Variants in FEZ2 observed in about 807,000 individuals in gnomAD.
The protein encoded by FEZ2 is fasciculation and elongation protein zeta 2.
Under a neutral mutation model 40.4 loss-of-function variants are expected in FEZ2, and 51 were observed. The observed-to-expected ratio is 1.26, with a 90% CI of 1.01 to 1.59. The LOEUF (loss-of-function observed/expected upper bound fraction) is 1.59. Ranked by LOEUF, FEZ2 falls within the 40% of genes most tolerant of loss-of-function variation. The probability of loss-of-function intolerance (pLI) is 0.00; values close to 1 mark genes in which losing one functional copy is unlikely to be tolerated. For synonymous variants in FEZ2, 242 were observed against 172.0 expected, an observed-to-expected ratio of 1.41 and a Z score of -3.18; for missense variants, 640 against 438.3, an observed-to-expected ratio of 1.46 and a Z score of -4.11.
At chr2:36,554,493 A>C (rs938097145) in intron 7 of FEZ2, among the ~76,000 whole-genome samples, 1 of 152,182 alleles carries the variant, frequency 6.6e-6, no homozygotes, top group African/African-American at 2.4e-5. Flanking sequence ...CGAACCTCAG[A>C]ACAATCCAGC....
chr2:36,578,234 GA>G (rs1227753711), intron 5 of FEZ2, among the ~76,000 whole-genome samples: 1 of 152,046 alleles, frequency 6.6e-6, no homozygotes, highest in Non-Finnish European at 1.5e-5. Flanking sequence ...GCAAAAATAA[GA>G]AAAAAACTAC....
At chr2:36,596,811 C>T (rs867134353) in intron 1 of FEZ2, among the ~76,000 whole-genome samples, 15 of 152,132 alleles carry the variant, frequency 9.9e-5, no homozygotes, top group African/African-American at 3.4e-4. Flanking sequence ...AGGCTCCTCT[C>T]CCCCTATATA....
At chr2:36,565,596 C>T (rs1015615105) in intron 5 of FEZ2, among the ~76,000 whole-genome samples, 1 of 152,174 alleles carries the variant, frequency 6.6e-6, no homozygotes, top group African/African-American at 2.4e-5. Flanking sequence ...ACCTGACCTC[C>T]GGGTGCAACT....
chr2:36,578,101 T>G (rs746133491), intron 5 of FEZ2, among the ~76,000 whole-genome samples: 3 of 152,226 alleles, frequency 2.0e-5, no homozygotes, highest in Admixed American at 2.0e-4. Context: ...TACCTTCTTG[T>G]ATTCCAACCT....
At chr2:36,597,830 G>A (rs1001756432) in intron 1 of FEZ2, 47 bp downstream of exon 1, 11 of 1,305,956 alleles carry the variant, frequency 8.4e-6, no homozygotes, top group East Asian at 3.1e-5. Context: ...GTCGGGCGAG[G>A]GGTAGGGGAG....
intron 1 of FEZ2, among the ~76,000 whole-genome samples, chr2:36,593,287 G>T (rs1030619402): frequency 1.3e-5 from 2 of 151,978 alleles, no homozygotes; most frequent in African/African-American, 4.8e-5. Flanking sequence ...TAAACTCATG[G>T]ACAGCGGCCC....
At chr2:36,588,939 C>T (rs892018773) in intron 2 of FEZ2, among the ~76,000 whole-genome samples, 126 of 151,946 alleles carry the variant, frequency 8.3e-4, no homozygotes, top group African/African-American at 3.0e-3. Flanking sequence ...GGAAACTCTT[C>T]TATGCTATTT....
chr2:36,580,001 C>T (rs989623049), intron 4 of FEZ2, among the ~76,000 whole-genome samples: 4 of 152,100 alleles, frequency 2.6e-5, no homozygotes, highest in African/African-American at 4.8e-5. Context: ...AGGAAGACCA[C>T]GTGAAGACAT....
intron 3 of FEZ2, among the ~76,000 whole-genome samples, chr2:36,583,123 A>T (rs758756874): frequency 1.3e-5 from 2 of 152,188 alleles, no homozygotes; most frequent in Non-Finnish European, 2.9e-5. Context: ...ACCTTGCTAT[A>T]ATCTTCAACA....
At chr2:36,566,606 A>G (rs1310296183) in intron 5 of FEZ2, among the ~76,000 whole-genome samples, 1 of 152,238 alleles carries the variant, frequency 6.6e-6, no homozygotes, top group Non-Finnish European at 1.5e-5. Context: ...TACAGCGATC[A>G]TTACCAATAC....
intron 1 of FEZ2, among the ~76,000 whole-genome samples, chr2:36,597,277 G>T (rs993325970): frequency 3.9e-5 from 6 of 152,054 alleles, no homozygotes; most frequent in Non-Finnish European, 8.8e-5. Flanking sequence ...CCACTCATCA[G>T]TCAGATCTCG....
chr2:36,575,097 T>A (rs1026339853), intron 5 of FEZ2, among the ~76,000 whole-genome samples: 1 of 152,232 alleles, frequency 6.6e-6, no homozygotes, highest in African/African-American at 2.4e-5. Flanking sequence ...CCATCATCTA[T>A]TCATTTTTTC....
chr2:36,574,920 C>T (rs1668518647), intron 5 of FEZ2, among the ~76,000 whole-genome samples: 1 of 152,204 alleles, frequency 6.6e-6, no homozygotes, highest in Admixed American at 6.5e-5. Flanking sequence ...ACTCCTTTAA[C>T]CTCCTCTTCA....
At chr2:36,590,751 C>T in intron 2 of FEZ2, 152 bp downstream of exon 2, 2 of 575,470 alleles carry the variant, frequency 3.5e-6, no homozygotes, top group Non-Finnish European at 3.1e-6. Context: ...GATGGCCCTA[C>T]AGCCAAGACA....
At chr2:36,584,509 A>G (rs1472472807) in intron 2 of FEZ2, among the ~76,000 whole-genome samples, 5 of 152,234 alleles carry the variant, frequency 3.3e-5, no homozygotes, top group Non-Finnish European at 5.9e-5. Context: ...ACATCTGTCT[A>G]TCATCTACCT....
intron 7 of FEZ2, among the ~76,000 whole-genome samples, chr2:36,553,812 A>C (rs1303043046): frequency 6.6e-6 from 1 of 152,076 alleles, no homozygotes; most frequent in Non-Finnish European, 1.5e-5. Context: ...ACAACAACAA[A>C]CCACCCAAAA....
rs1381839298 is a variant in FEZ2 at position 36,581,431 on chromosome 2, C to T, written c.493G>A (p.Val165Ile). Residue 165 changes from valine to isoleucine, a missense_variant and splice_region_variant, in exon 4 of 8, where the codon GTT (valine) becomes ATT (isoleucine). Physicochemically the swap from Val to Ile is conservative, Grantham distance 29 (BLOSUM62 3). Transcript: ENST00000405912. ...ATCATTTCTTCAATTTCTTCAATAA[C>T]CTTCGAAAACACACACACCACTGTT... The part of the protein sequence containing the change: ...NDEPLFTADQ[V>I]IEEIEEMMQE... The T allele has an allele frequency of 1.9e-6, 3 of 1,613,120 alleles. No homozygotes were observed. The highest frequency in any genetic ancestry group is 1.6e-4 in the Middle Eastern group (1 of 6,062).
Position 36,578,791 on chromosome 2 carries a change from C to T in FEZ2, c.709G>A (p.Glu237Lys), listed in dbSNP as rs1230946930. Residue 237 changes from glutamate to lysine, a missense_variant, in exon 5 of 8, where the codon GAG becomes AAG. By Grantham distance (56) the Glu-to-Lys change is moderately conservative. Transcript: ENST00000405912. ...AAAGCCAACTGCTGCACCAGCTCCT[C>T]AGAGTACTCCTTAATGGCAGTCTCA... is the stretch of plus-strand genomic sequence containing the variant. ...EIETAIKEYS[E>K]ELVQQLALRD... 6.2e-7 allele frequency: 1 copy of T among 1,613,936 alleles called. No homozygotes were observed. Among genetic ancestry groups the T allele is most frequent in the Non-Finnish European group, 8.5e-7 (1 of 1,179,828 alleles).
intron 5 of FEZ2, among the ~76,000 whole-genome samples, chr2:36,575,195 T>A (rs533819905): frequency 2.1e-4 from 32 of 152,270 alleles, no homozygotes; most frequent in African/African-American, 7.5e-4. Context: ...TTCACCACTG[T>A]GGTTTTTCTG....
Sources: gnomAD v4.1 joint callset for allele counts (sites outside exome capture counted in the v4.1 genomes callset) on GRCh38, gnomAD v4.1.1 for gene constraint, MANE v1.5 for transcripts, NCBI Gene and HGNC (gene_info 2026-07-23, HGNC 2026-07-21) for gene names.